Variants in ANKRD44 observed in about 807,000 individuals in gnomAD.
ANKRD44 encodes serine/threonine-protein phosphatase 6 regulatory ankyrin repeat subunit B.
In ANKRD44, 35 loss-of-function variants were observed where a neutral mutation model predicts 116.0. That is an observed-to-expected ratio of 0.30 (90% confidence interval 0.23 to 0.40). The LOEUF (loss-of-function observed/expected upper bound fraction) is 0.40, where lower values mean the gene tolerates loss of function less well. Ranked by LOEUF, ANKRD44 falls within the 10% of genes least tolerant of loss-of-function variation. The pLI, the probability that ANKRD44 is intolerant of heterozygous loss-of-function variation, is 1.00. For missense variants in ANKRD44, 1,014 were observed against 1,242.6 expected, an observed-to-expected ratio of 0.82 and a Z score of 2.77; for synonymous variants, 435 against 461.8, an observed-to-expected ratio of 0.94 and a Z score of 0.74.
rs1470650979 is a variant in ANKRD44, at chr2:197,001,711, A to G, written c.2435+42T>C. 3 of 1,459,820 alleles carry G rather than the reference A, an allele frequency of 2.1e-6. No individual in the cohort carries two copies. The African/African-American group carries it at 4.2e-5, about 20-fold the overall frequency. The allele number at this position is 1,459,820 out of a possible 1,614,324, so 90.4% of individuals were successfully genotyped here. A position where few individuals can be genotyped will look rare whatever the true frequency, so the allele number is the denominator to read the frequency against. On this transcript the variant is annotated intron_variant, in intron 22 of 27. Coordinates refer to ENST00000282272, the MANE Select transcript of ANKRD44 (RefSeq NM_001195144.2). ...AGCAACTTTTCTATGTGTAGTTAAA[A>G]TCATTAAAGCAACATCATTAACTCT...
chr2:196,999,162 GT>G, intron 23 of ANKRD44, 110 bp from the exon 24 acceptor site: 1 of 1,307,870 alleles, frequency 7.6e-7, no homozygotes, highest in Non-Finnish European at 1.0e-6. Flanking sequence ...AAACTTCTCA[GT>G]TTATAGACAT....
At chr2:196,973,422 A>G (rs895439606) in intron 21 of ANKRD44, among the ~76,000 whole-genome samples, 1 of 152,172 alleles carries the variant, frequency 6.6e-6, no homozygotes, top group African/African-American at 2.4e-5. Context: ...ATTACCATCC[A>G]AAATTTCACA....
At position 197,118,620 on chromosome 2, in the gene ANKRD44, AGAGAG is replaced by A. The variant is rs1559077505; in HGVS notation, c.906+2707_906+2711del. ...ACAAAAGAAAGAGAGAAAGAAAGAG[AGAGAG>A]AGAGAGAGAGAGAGAAAGAAAGAAA... is the stretch of plus-strand genomic sequence containing the variant. On this transcript the variant is annotated intron_variant, in intron 8 of 27. Transcript: ENST00000282272. Among the ~76,000 whole-genome samples, 23 of 135,250 alleles carry A rather than the reference AGAGAG, an allele frequency of 1.7e-4. 1 individual carries two copies. The highest frequency in any genetic ancestry group is 3.6e-3 in the Middle Eastern group (1 of 276). 88.7% of individuals were successfully genotyped at this position (135,250 alleles called of 152,430 possible).
intron 16 of ANKRD44, among the ~76,000 whole-genome samples, chr2:197,069,046 TC>T (rs2077503714): frequency 1.3e-5 from 2 of 152,026 alleles, no homozygotes; most frequent in Admixed American, 6.6e-5. Context: ...TTGGAACCAA[TC>T]CAAATGTCCA....
In ANKRD44 at chr2:197,086,733, T is replaced by C. The variant is rs1239329100; in HGVS notation, c.1263A>G (p.Ile421Met). 8 of 1,613,812 alleles carry C rather than the reference T, an allele frequency of 5.0e-6. No homozygotes were observed. The highest frequency in any genetic ancestry group is 6.8e-6 in the Non-Finnish European group (8 of 1,179,882). The change falls in exon 13 of 28, where the codon ATA (isoleucine) becomes ATG (methionine). Residue 421 changes from isoleucine to methionine, a missense_variant. Transcript: ENST00000282272. ...AAAAGGNVECIKLLQSSGADF... is the reference protein window; with the variant it reads ...AAAAGGNVECMKLLQSSGADF... ...CTGCTCCGCTGCTCTGCAAGAGTTT[T>C]ATACATTCCACATTACTAGAAAGAC... is the stretch of plus-strand genomic sequence containing the variant.
At chr2:197,133,624 C>T (rs2079141981) in intron 4 of ANKRD44, among the ~76,000 whole-genome samples, 1 of 152,116 alleles carries the variant, frequency 6.6e-6, no homozygotes, top group African/African-American at 2.4e-5. Context: ...CAGTGCTTAC[C>T]AATCTAAAGA....
At chr2:197,175,981 C>G (rs1335111577) in intron 2 of ANKRD44, among the ~76,000 whole-genome samples, 1 of 152,104 alleles carries the variant, frequency 6.6e-6, no homozygotes, top group South Asian at 2.1e-4. Flanking sequence ...AATATATAAG[C>G]AATTGTGTCC....
chr2:197,213,319 T>A (rs1409890900), intron 1 of ANKRD44, among the ~76,000 whole-genome samples: 2 of 152,230 alleles, frequency 1.3e-5, no homozygotes, highest in African/African-American at 4.8e-5. Context: ...GACAATGTTA[T>A]TTTTGGCATA....
chr2:197,273,978 A>ATATATATAT (rs58865111), intron 1 of ANKRD44, among the ~76,000 whole-genome samples: 1 of 49,720 alleles, frequency 2.0e-5, no homozygotes, highest in African/African-American at 8.0e-5. Context: ...AAAAAAAAAA[A>ATATATATAT]AAATATATAT....
At chr2:197,106,315 T>C (rs879567088) in intron 9 of ANKRD44, among the ~76,000 whole-genome samples, 5 of 151,856 alleles carry the variant, frequency 3.3e-5, no homozygotes, top group Admixed American at 1.3e-4. Flanking sequence ...GGTGGCAAGC[T>C]ACCTGAGTAG....
Position 197,052,270 on chromosome 2 carries a change from G to T in ANKRD44, c.1650+26433C>A, listed in dbSNP as rs536553517. ...TGAATGGAGAATAAAATAGACAACAGATGTTAACCAAACCATCTAAATAAC... is the reference window on the plus strand; with the variant it reads ...TGAATGGAGAATAAAATAGACAACATATGTTAACCAAACCATCTAAATAAC... On this transcript the variant is annotated intron_variant, in intron 16 of 27. Transcript: ENST00000282272. 1.1e-4 allele frequency among the ~76,000 whole-genome samples: 16 copies of T among 152,274 alleles called. No individual in the cohort carries two copies. The South Asian group carries it at 3.1e-3, about 30-fold the overall frequency.
intron 21 of ANKRD44, among the ~76,000 whole-genome samples, chr2:196,977,663 C>T (rs1236486113): frequency 6.6e-6 from 1 of 152,138 alleles, no homozygotes; most frequent in Non-Finnish European, 1.5e-5. Context: ...TTCACATCTA[C>T]TAGGATGGCC....
intron 1 of ANKRD44, among the ~76,000 whole-genome samples, chr2:197,261,924 G>A (rs201954403): frequency 5.3e-5 from 8 of 152,162 alleles, no homozygotes; most frequent in East Asian, 1.9e-4. Flanking sequence ...CTCACACCTC[G>A]AAATCATCTC....
At position 196,989,030 on chromosome 2, in the gene ANKRD44, A is replaced by T; in HGVS notation, c.*561T>A. ...CAGTAGAAGATGCGTAGCCCTCTCT[A>T]ACCAACGCGGAAGAACCTGAGGGTC... On this transcript the variant is annotated 3_prime_UTR_variant, in exon 28 of 28. Transcript: ENST00000282272. 2.0e-6 allele frequency: 2 copies of T among 985,496 alleles called. No individual in the cohort carries two copies. Among genetic ancestry groups the T allele is most frequent in the Non-Finnish European group, 2.4e-6 (2 of 829,978 alleles). 61.0% of individuals were successfully genotyped at this position (985,496 alleles called of 1,614,324 possible).
At chr2:197,006,998 G>A (rs1348305587) in intron 20 of ANKRD44, among the ~76,000 whole-genome samples, 1 of 152,012 alleles carries the variant, frequency 6.6e-6, no homozygotes, top group African/African-American at 2.4e-5. Flanking sequence ...CCAGTTACTG[G>A]GGGGAGTTGA....
At chr2:197,310,102 G>C (rs1195393200) in intron 1 of ANKRD44, among the ~76,000 whole-genome samples, 1 of 152,200 alleles carries the variant, frequency 6.6e-6, no homozygotes, top group Non-Finnish European at 1.5e-5. Flanking sequence ...GATAAATAAA[G>C]ACAGCCCGGC....
At chr2:197,245,040 C>A (rs1343943706) in intron 1 of ANKRD44, among the ~76,000 whole-genome samples, 1 of 152,136 alleles carries the variant, frequency 6.6e-6, no homozygotes, top group African/African-American at 2.4e-5. Flanking sequence ...TTTGGGAGGC[C>A]AAGGTGGGTC....
intron 1 of ANKRD44, among the ~76,000 whole-genome samples, chr2:197,257,109 G>C (rs377341677): frequency 5.8e-4 from 88 of 152,310 alleles, no homozygotes; most frequent in African/African-American, 2.0e-3. Context: ...CACAGGTTTA[G>C]TGTTTAAAAT....
Position 197,009,026 on chromosome 2 carries a change from T to A in ANKRD44, c.1930A>T (p.Asn644Tyr). Residue 644 changes from asparagine (N) to tyrosine (Y), a missense_variant, in exon 19 of 28, where the codon AAT (asparagine) becomes TAT (tyrosine). Asn to Tyr is a moderately radical substitution (Grantham distance 143, BLOSUM62 -2). Coordinates refer to ENST00000282272, the MANE Select transcript of ANKRD44 (RefSeq NM_001195144.2). ...AGCCGTAAACACAGTGTGTGACCAT[T>A]AATTACTGAAAAAGAAAACAGTGGA... Reference protein sequence around the residue: ...KRTPLHASVINGHTLCLRLLL... With the variant: ...KRTPLHASVIYGHTLCLRLLL... The A allele has an allele frequency of 6.2e-7, 1 of 1,613,768 alleles. No individual in the cohort carries two copies. Among genetic ancestry groups the A allele is most frequent in the Non-Finnish European group, 8.5e-7 (1 of 1,179,706 alleles).
Sources: gnomAD v4.1 joint callset for allele counts (sites outside exome capture counted in the v4.1 genomes callset) on GRCh38, gnomAD v4.1.1 for gene constraint, MANE v1.5 for transcripts, NCBI Gene and HGNC (gene_info 2026-07-23, HGNC 2026-07-21) for gene names.